CPNE2: variants seen among roughly 807,000 people sequenced by gnomAD.
CPNE2 encodes the protein copine-2.
CPNE2 carries 42 observed loss-of-function variants against 69.7 expected under a neutral mutation model. That is an observed-to-expected ratio of 0.60 (90% CI 0.47 to 0.78). The LOEUF (loss-of-function observed/expected upper bound fraction) is 0.78. Among genes scored for constraint, CPNE2 ranks in the 30% least tolerant of loss-of-function variants. The pLI is 0.00. For missense variants in CPNE2, 587 were observed against 732.0 expected, an observed-to-expected ratio of 0.80 and a Z score of 2.29; for synonymous variants, 294 against 289.8, an observed-to-expected ratio of 1.01 and a Z score of -0.15.
chr16:57,109,792 A>G (rs144759594), intron 1 of CPNE2, among the ~76,000 whole-genome samples: 9 of 152,246 alleles, frequency 5.9e-5, no homozygotes, highest in Non-Finnish European at 1.0e-4. Flanking sequence ...TATGCCCTGT[A>G]TCTTGTGCTG....
chr16:57,119,442 T>C, intron 6 of CPNE2, 119 bp from the exon 7 acceptor site: 1 of 1,130,788 alleles, frequency 8.8e-7, no homozygotes, highest in Non-Finnish European at 1.3e-6. Context: ...CGCTCACTTC[T>C]GTCTCTGGAA....
At chr16:57,110,600 T>C (rs1396993041) in intron 1 of CPNE2, 108 bp from the exon 2 acceptor site, 2 of 620,074 alleles carry the variant, frequency 3.2e-6, no homozygotes, top group African/African-American at 1.9e-5. Flanking sequence ...TCAATTTGCC[T>C]TCCATCTCTC....
intron 13 of CPNE2, among the ~76,000 whole-genome samples, chr16:57,135,182 A>C (rs1353352997): frequency 1.3e-5 from 2 of 152,140 alleles, no homozygotes; most frequent in Non-Finnish European, 2.9e-5. Flanking sequence ...AACCAGGAGG[A>C]GGTGAGGGTG....
At chr16:57,093,780 G>T (rs540029310) in intron 1 of CPNE2, among the ~76,000 whole-genome samples, 16 of 152,340 alleles carry the variant, frequency 1.1e-4, no homozygotes, top group Middle Eastern at 3.4e-3. Context: ...GTCATCAAAG[G>T]TTGGGGGGCT....
At chr16:57,095,974 G>A (rs965926421) in intron 1 of CPNE2, among the ~76,000 whole-genome samples, 1 of 152,242 alleles carries the variant, frequency 6.6e-6, no homozygotes, top group Non-Finnish European at 1.5e-5. Context: ...TCCACAAAAA[G>A]GCAAGAGCAA....
intron 1 of CPNE2, among the ~76,000 whole-genome samples, chr16:57,097,703 G>T (rs1318344079): frequency 1.3e-5 from 2 of 152,146 alleles, no homozygotes; most frequent in Non-Finnish European, 2.9e-5. Context: ...CCACCCAGGG[G>T]ACCTCACATC....
intron 2 of CPNE2, 101 bp from the exon 3 acceptor site, chr16:57,113,187 G>A: frequency 9.2e-7 from 1 of 1,091,624 alleles, no homozygotes; most frequent in Non-Finnish European, 1.4e-6. Flanking sequence ...GCCTGGCACA[G>A]AGTAGGCATT....
chr16:57,104,899 A>G (rs1363710966), intron 1 of CPNE2, among the ~76,000 whole-genome samples: 1 of 152,180 alleles, frequency 6.6e-6, no homozygotes, highest in Non-Finnish European at 1.5e-5. Flanking sequence ...AAGGGAGGCC[A>G]GTGCAGCTGG....
intron 3 of CPNE2, among the ~76,000 whole-genome samples, chr16:57,114,351 G>A (rs1036640107): frequency 6.6e-6 from 1 of 152,190 alleles, no homozygotes; most frequent in Non-Finnish European, 1.5e-5. Context: ...CATTGCCAGG[G>A]CCTGGTAAGA....
At chr16:57,093,781 T>C (rs1246385022) in intron 1 of CPNE2, among the ~76,000 whole-genome samples, 1 of 152,162 alleles carries the variant, frequency 6.6e-6, no homozygotes, top group Non-Finnish European at 1.5e-5. Context: ...TCATCAAAGG[T>C]TGGGGGGCTT....
At chr16:57,107,351 C>T (rs1396773766) in intron 1 of CPNE2, among the ~76,000 whole-genome samples, 1 of 152,196 alleles carries the variant, frequency 6.6e-6, no homozygotes, top group African/African-American at 2.4e-5. Context: ...GGCTGAGGAC[C>T]AGCTTCATCG....
At position 57,119,569 on chromosome 16, in the gene CPNE2, G is replaced by T; in HGVS notation, c.600G>T (p.Lys200Asn). ...WMLVHRTEVI[K>N]YTLDPVWKPF... ...CCCTCTCTGTCCCACAGGTGATCAA[G>T]TACACACTGGACCCTGTGTGGAAGC... Residue 200 changes from lysine (K) to asparagine (N), a missense_variant, in exon 7 of 16, where the codon AAG becomes AAT. Lys to Asn is a moderately conservative substitution (Grantham distance 94). Around this residue, in one of 5 missense-constraint regions of CPNE2, gnomAD observed 269 missense variants for 300.5 expected, o/e 0.90. Coordinates refer to ENST00000290776, the MANE Select transcript of CPNE2 (RefSeq NM_152727.6). The T allele has an allele frequency of 6.2e-7, 1 of 1,612,352 alleles. No homozygotes were observed. The highest frequency in any genetic ancestry group is 8.5e-7 in the Non-Finnish European group (1 of 1,179,144).
chr16:57,113,301 A>C lies in CPNE2; in HGVS notation c.194A>C (p.Glu65Ala). ...NGRWIEYDRT[E>A]TAINNLNPAF... ...CCCCTCTGCTAGTACGACAGGACAG[A>C]AACCGCGATCAACAACCTCAACCCC... Residue 65 changes from glutamate to alanine, a missense_variant, in exon 3 of 16, where the codon GAA (glutamate) becomes GCA (alanine). Coordinates refer to ENST00000290776, the MANE Select transcript of CPNE2 (RefSeq NM_152727.6). 6.2e-7 allele frequency: 1 copy of C among 1,614,032 alleles called. No individual in the cohort carries two copies. Among genetic ancestry groups the C allele is most frequent in the South Asian group, 1.1e-5 (1 of 91,082 alleles).
chr16:57,123,588 C>T, intron 10 of CPNE2, 115 bp downstream of exon 10: 1 of 1,134,166 alleles, frequency 8.8e-7, no homozygotes, highest in Non-Finnish European at 1.3e-6. Context: ...GGAAGGACTT[C>T]CCTGGGGCAA....
intron 12 of CPNE2, 94 bp downstream of exon 12, chr16:57,127,997 G>C: frequency 8.9e-6 from 11 of 1,233,412 alleles, no homozygotes; most frequent in Non-Finnish European, 1.3e-5. Flanking sequence ...TTGGGCTGGG[G>C]CCCTGTTGCC....
At chr16:57,129,166 T>G (rs1462460033) in intron 12 of CPNE2, 2 of 152,688 alleles carry the variant, frequency 1.3e-5, no homozygotes, top group African/African-American at 4.8e-5. Flanking sequence ...TGATAGACCC[T>G]CCATTGGAGG....
chr16:57,118,406 C>T (rs1483080919), intron 5 of CPNE2, among the ~76,000 whole-genome samples: 1 of 151,182 alleles, frequency 6.6e-6, no homozygotes, highest in Non-Finnish European at 1.5e-5. Context: ...ATCTCCTGAC[C>T]TTGTGATCCG....
intron 14 of CPNE2, chr16:57,142,185 G>A (rs1360622001): frequency 6.6e-6 from 1 of 152,396 alleles, no homozygotes; most frequent in East Asian, 1.9e-4. Flanking sequence ...GTCTAGTGAG[G>A]AGCCCTAGGC....
chr16:57,141,865 G>C (rs748738539), intron 14 of CPNE2: 4 of 152,248 alleles, frequency 2.6e-5, no homozygotes, highest in African/African-American at 9.6e-5. Context: ...CTAGCATTCA[G>C]TGATGCCAAG....
Sources: allele counts gnomAD v4.1 joint callset (sites outside exome capture counted in the v4.1 genomes callset), GRCh38; gene constraint gnomAD v4.1.1; regional missense constraint gnomAD v4.1.1; transcripts MANE v1.5; gene names NCBI Gene and HGNC (gene_info 2026-07-23, HGNC 2026-07-21).